PTPRK: variants seen among roughly 807,000 people sequenced by gnomAD.
PTPRK encodes the protein protein tyrosine phosphatase receptor type K.
PTPRK carries 75 observed loss-of-function variants against 178.0 expected under a neutral mutation model. That is an observed-to-expected ratio of 0.42 (90% CI 0.35 to 0.51). The LOEUF is 0.51. Among genes scored for constraint, PTPRK ranks in the 20% least tolerant of loss-of-function variants. The pLI is 0.02. For missense variants in PTPRK, 1,441 were observed against 1,797.8 expected (o/e 0.80, Z 3.59); for synonymous variants, 637 against 620.6 (o/e 1.03, Z -0.39).
In PTPRK at chr6:128,373,215, C is replaced by T. The variant is rs189949823; in HGVS notation, c.223+24351G>A. On this transcript the variant is annotated intron_variant, in intron 2 of 29. Transcript: ENST00000368226. ...TTAAATAAAGTTGCAAGGCTTAGTC[C>T]TTGGACTTGACTCTTTGCAAAGCTG... Among the ~76,000 whole-genome samples, 211 of 152,236 alleles carry T rather than the reference C, an allele frequency of 1.4e-3. 1 individual carries two copies. The highest frequency in any genetic ancestry group is 4.7e-3 in the African/African-American group (196 of 41,558).
At chr6:128,050,724 T>C (rs1234794655) in intron 13 of PTPRK, among the ~76,000 whole-genome samples, 1 of 152,202 alleles carries the variant, frequency 6.6e-6, no homozygotes, top group Non-Finnish European at 1.5e-5. Context: ...TAAGTTTTTA[T>C]AGAAATAGGT....
chr6:128,001,446 T>C (rs1777823064), intron 15 of PTPRK, among the ~76,000 whole-genome samples: 1 of 152,010 alleles, frequency 6.6e-6, no homozygotes, highest in Non-Finnish European at 1.5e-5. Context: ...ATATTTAGCT[T>C]TTAAAGAATG....
At position 128,069,763 on chromosome 6, in the gene PTPRK, C is replaced by T. The variant is rs567115684; in HGVS notation, c.1884-1971G>A. Among the ~76,000 whole-genome samples, 140 of 152,152 alleles carry T rather than the reference C, an allele frequency of 9.2e-4. 1 individual carries two copies. Among genetic ancestry groups the T allele is most frequent in the Admixed American group, 3.3e-3 (50 of 15,248 alleles). On this transcript the variant is annotated intron_variant, in intron 11 of 29. Transcript: ENST00000368226. Reference sequence around the variant, plus strand: ...AAATCTAGTGAACATTCAATCTTAACTAATTCTATTACATTGACAGAGATT... The same window carrying T: ...AAATCTAGTGAACATTCAATCTTAATTAATTCTATTACATTGACAGAGATT...
chr6:127,972,884 T>G, intron 29 of PTPRK, 138 bp downstream of exon 29: 2 of 767,356 alleles, frequency 2.6e-6, no homozygotes, highest in Non-Finnish European at 4.2e-6. Flanking sequence ...CAGCAATGTA[T>G]TAATTAGGCA....
At chr6:128,411,311 A>G (rs1842287808) in intron 1 of PTPRK, among the ~76,000 whole-genome samples, 1 of 152,228 alleles carries the variant, frequency 6.6e-6, no homozygotes, top group South Asian at 2.1e-4. Flanking sequence ...GCCATATTGT[A>G]CTTTTTCTAA....
chr6:128,491,713 AT>A (rs760897817), intron 1 of PTPRK: 12 of 494,364 alleles, frequency 2.4e-5, no homozygotes, highest in Admixed American at 6.3e-5. Flanking sequence ...TTAATCTATC[AT>A]TTTTTTTCTC....
chr6:128,475,291 G>C (rs1239713450), intron 1 of PTPRK, among the ~76,000 whole-genome samples: 1 of 152,078 alleles, frequency 6.6e-6, no homozygotes, highest in East Asian at 1.9e-4. Flanking sequence ...CTTGTGCATA[G>C]AAAACATTTG....
At chr6:128,304,454 A>G (rs949019142) in intron 3 of PTPRK, among the ~76,000 whole-genome samples, 3 of 152,188 alleles carry the variant, frequency 2.0e-5, no homozygotes, top group African/African-American at 7.2e-5. Flanking sequence ...TTAAGAGAAA[A>G]AGTTATTTGT....
chr6:128,026,865 T>A (rs780293815), intron 13 of PTPRK, among the ~76,000 whole-genome samples: 1 of 152,166 alleles, frequency 6.6e-6, no homozygotes, highest in South Asian at 2.1e-4. Flanking sequence ...ATCTATTCAA[T>A]AAATATTACT....
intron 13 of PTPRK, among the ~76,000 whole-genome samples, chr6:128,049,566 C>T (rs1023878591): frequency 1.3e-5 from 2 of 151,538 alleles, no homozygotes; most frequent in Non-Finnish European, 2.9e-5. Context: ...AATTGAAATG[C>T]CTCTTTTGTT....
At chr6:128,407,778 C>T (rs899534551) in intron 1 of PTPRK, among the ~76,000 whole-genome samples, 1 of 151,916 alleles carries the variant, frequency 6.6e-6, no homozygotes, top group African/African-American at 2.4e-5. Flanking sequence ...AAGTTTTAAT[C>T]TATCAAATTG....
At chr6:128,246,353 A>G (rs1261688696) in intron 3 of PTPRK, among the ~76,000 whole-genome samples, 1 of 151,986 alleles carries the variant, frequency 6.6e-6, no homozygotes. Flanking sequence ...AAAAAGTTTC[A>G]TATGTGTTCA....
At chr6:128,116,720 A>T (rs1296204505) in intron 7 of PTPRK, among the ~76,000 whole-genome samples, 2 of 152,250 alleles carry the variant, frequency 1.3e-5, no homozygotes, top group African/African-American at 4.8e-5. Context: ...TTGGCAAGGT[A>T]TGTAATCTTT....
intron 2 of PTPRK, among the ~76,000 whole-genome samples, chr6:128,343,684 A>G (rs1209506486): frequency 2.6e-5 from 4 of 152,234 alleles, no homozygotes; most frequent in African/African-American, 4.8e-5. Flanking sequence ...AACAAACTCC[A>G]TTCAAATGAG....
At chr6:127,997,675 A>G (rs1452313953) in intron 16 of PTPRK, among the ~76,000 whole-genome samples, 1 of 152,102 alleles carries the variant, frequency 6.6e-6, no homozygotes, top group Non-Finnish European at 1.5e-5. Flanking sequence ...TCTTTGAAGC[A>G]AGGTACACAG....
intron 1 of PTPRK, among the ~76,000 whole-genome samples, chr6:128,494,828 C>T (rs1423342124): frequency 6.6e-6 from 1 of 152,182 alleles, no homozygotes; most frequent in Non-Finnish European, 1.5e-5. Context: ...CATTTTACAA[C>T]TCACATTAAA....
chr6:128,364,137 C>G (rs1835150132), intron 2 of PTPRK, among the ~76,000 whole-genome samples: 1 of 151,986 alleles, frequency 6.6e-6, no homozygotes, highest in South Asian at 2.1e-4. Context: ...AGACCATACT[C>G]AAATTTTATC....
chr6:128,457,430 A>C (rs1447478603), intron 1 of PTPRK, among the ~76,000 whole-genome samples: 1 of 152,188 alleles, frequency 6.6e-6, no homozygotes, highest in East Asian at 1.9e-4. Context: ...ATATTGAGTA[A>C]GTTGAAGAGA....
intron 11 of PTPRK, among the ~76,000 whole-genome samples, chr6:128,076,704 T>C (rs778798001): frequency 6.6e-6 from 1 of 152,056 alleles, no homozygotes; most frequent in Non-Finnish European, 1.5e-5. Flanking sequence ...AATACAAAGA[T>C]GAGTGTTTCT....
Sources: allele counts gnomAD v4.1 joint callset (sites outside exome capture counted in the v4.1 genomes callset), GRCh38; gene constraint gnomAD v4.1.1; transcripts MANE v1.5; gene names NCBI Gene and HGNC (gene_info 2026-07-23, HGNC 2026-07-21).